PACSIN2: variants seen among roughly 807,000 people sequenced by gnomAD.
PACSIN2 encodes the protein protein kinase C and casein kinase substrate in neurons 2, also known as protein kinase C and casein kinase substrate in neurons protein 2.
PACSIN2 carries 25 observed loss-of-function variants against 63.8 expected under a neutral mutation model. The ratio of observed to expected loss-of-function variants is 0.39; its 90% CI spans 0.29 to 0.55. PACSIN2 has a LOEUF of 0.55. PACSIN2 is among the 20% of genes least tolerant of loss of function. PACSIN2 has a pLI of 0.62. For missense variants in PACSIN2, 518 were observed against 646.9 expected, an observed-to-expected ratio of 0.80 and a Z score of 2.16; for synonymous variants, 255 against 256.2, an observed-to-expected ratio of 1.00 and a Z score of 0.05.
At chr22:43,009,956 G>C (rs1317751663) in intron 1 of PACSIN2, among the ~76,000 whole-genome samples, 1 of 145,266 alleles carries the variant, frequency 6.9e-6, no homozygotes, top group African/African-American at 2.6e-5. Flanking sequence ...TGCAGCCTCT[G>C]CCTCCCGGGT....
chr22:42,984,263 C>A (rs1268373056), intron 1 of PACSIN2, among the ~76,000 whole-genome samples: 7 of 151,906 alleles, frequency 4.6e-5, no homozygotes, highest in South Asian at 2.1e-4. Context: ...TGAGCTACCA[C>A]CCACTACCTA....
chr22:42,947,427 CTG>C (rs1261724974), intron 1 of PACSIN2, among the ~76,000 whole-genome samples: 1 of 152,168 alleles, frequency 6.6e-6, no homozygotes, highest in Non-Finnish European at 1.5e-5. Context: ...CAAAGGGCCT[CTG>C]TGGCCCTTTG....
intron 1 of PACSIN2, among the ~76,000 whole-genome samples, chr22:43,009,269 A>C (rs895986302): frequency 6.6e-6 from 1 of 152,198 alleles, no homozygotes; most frequent in Non-Finnish European, 1.5e-5. Flanking sequence ...TCTTCATCAC[A>C]GGAAGGAATA....
At chr22:42,883,453 T>C (rs748838275) in intron 6 of PACSIN2, among the ~76,000 whole-genome samples, 3 of 152,252 alleles carry the variant, frequency 2.0e-5, no homozygotes, top group Non-Finnish European at 4.4e-5. Context: ...TTCTGCTAGA[T>C]GGATGACAGT....
chr22:42,901,206 A>G, intron 2 of PACSIN2, among the ~76,000 whole-genome samples: 1 of 152,130 alleles, frequency 6.6e-6, no homozygotes. Context: ...AGCTATCCCA[A>G]GCTGACCTAC....
rs925275527 is a variant in PACSIN2 at position 42,871,126 on chromosome 22, G to A, written c.*231C>T. The A allele has an allele frequency of 8.8e-6, 5 of 568,810 alleles. No homozygotes were observed. Among genetic ancestry groups the A allele is most frequent in the Non-Finnish European group, 1.6e-5 (5 of 316,706 alleles). 35.2% of individuals were successfully genotyped at this position (568,810 alleles called of 1,614,324 possible). ...CAACAGGCACAGTGGGCGGGGAGGG[G>A]CGGCTATTTCTGTTGTTCTGCGTCT... On this transcript the variant is annotated 3_prime_UTR_variant, in exon 11 of 11. Coordinates refer to ENST00000263246, the MANE Select transcript of PACSIN2 (RefSeq NM_001184970.3). This position sits in a 1 kb window ranked among gnomAD's most constrained non-coding sequence, Gnocchi z 5.4.
At chr22:43,014,363 CACCA>C (rs1180434780) in intron 1 of PACSIN2, among the ~76,000 whole-genome samples, 14 of 11,082 alleles carry the variant, frequency 1.3e-3, no homozygotes, top group African/African-American at 5.8e-3. Context: ...GACACACACA[CACCA>C]CCCCCCCCCC....
chr22:42,888,233 T>G (rs1929635527), intron 5 of PACSIN2, among the ~76,000 whole-genome samples: 1 of 151,944 alleles, frequency 6.6e-6, no homozygotes, highest in Non-Finnish European at 1.5e-5. Flanking sequence ...CTCATAACCC[T>G]CCATACCAGC....
chr22:42,964,074 C>T (rs1920933941), intron 1 of PACSIN2, among the ~76,000 whole-genome samples: 3 of 152,180 alleles, frequency 2.0e-5, no homozygotes, highest in African/African-American at 4.8e-5. Flanking sequence ...TAGCTATCAT[C>T]CCTCTATTCC....
chr22:42,998,052 T>C (rs1426274019), intron 1 of PACSIN2, among the ~76,000 whole-genome samples: 2 of 152,144 alleles, frequency 1.3e-5, no homozygotes, highest in Non-Finnish European at 2.9e-5. Context: ...GCCCCAAACA[T>C]ATCCAAGGGC....
At chr22:42,971,819 C>T (rs1355680267) in intron 1 of PACSIN2, among the ~76,000 whole-genome samples, 3 of 143,192 alleles carry the variant, frequency 2.1e-5, no homozygotes, top group East Asian at 1.9e-4. Flanking sequence ...AGCCCCCGCC[C>T]GGCCAGCAGC....
chr22:42,946,664 C>T (rs370367716), intron 1 of PACSIN2, among the ~76,000 whole-genome samples: 10 of 152,336 alleles, frequency 6.6e-5, no homozygotes, highest in African/African-American at 2.4e-4. Flanking sequence ...GTTATTCCAA[C>T]ATAATCTTAG....
intron 1 of PACSIN2, among the ~76,000 whole-genome samples, chr22:42,925,770 T>C (rs1932496779): frequency 6.6e-6 from 1 of 152,226 alleles, no homozygotes; most frequent in Admixed American, 6.5e-5. Flanking sequence ...CACATGGGTT[T>C]AGCAACCACG....
At chr22:43,007,018 T>C (rs4822246) in intron 1 of PACSIN2, among the ~76,000 whole-genome samples, 49,533 of 151,838 alleles carry the variant, frequency 0.33, 9,376 homozygotes, top group Non-Finnish European at 0.43. Context: ...CTTTGTGAAA[T>C]TGAGTCACCT....
At chr22:42,945,827 G>C (rs1411450569) in intron 1 of PACSIN2, 1 of 152,530 alleles carries the variant, frequency 6.6e-6, no homozygotes, top group South Asian at 2.1e-4. Flanking sequence ...CATTCTCCAT[G>C]ACATTACTGT....
At chr22:42,938,430 G>T (rs539967146) in intron 1 of PACSIN2, among the ~76,000 whole-genome samples, 2 of 152,210 alleles carry the variant, frequency 1.3e-5, no homozygotes, top group Non-Finnish European at 2.9e-5. Context: ...TCAGAAAGAA[G>T]CCTGACCTTC....
At chr22:42,933,965 G>A (rs1044566764) in intron 1 of PACSIN2, among the ~76,000 whole-genome samples, 5 of 152,282 alleles carry the variant, frequency 3.3e-5, no homozygotes, top group Admixed American at 1.3e-4. Context: ...AAAATAAACC[G>A]GATACTCAAA....
At chr22:42,991,847 C>T (rs978813915) in intron 1 of PACSIN2, among the ~76,000 whole-genome samples, 1 of 150,256 alleles carries the variant, frequency 6.7e-6, no homozygotes, top group Non-Finnish European at 1.5e-5. Context: ...ATTCACACAC[C>T]GCAACACATT....
chr22:42,947,774 T>A (rs953285532), intron 1 of PACSIN2, among the ~76,000 whole-genome samples: 1 of 152,142 alleles, frequency 6.6e-6, no homozygotes, highest in African/African-American at 2.4e-5. Context: ...CCAATCTGCC[T>A]GACAGGTTGC....
Sources: gnomAD v4.1 joint callset for allele counts (sites outside exome capture counted in the v4.1 genomes callset) on GRCh38, gnomAD v4.1.1 for gene constraint, Gnocchi (gnomAD v3.1) non-coding constraint, MANE v1.5 for transcripts, NCBI Gene and HGNC (gene_info 2026-07-23, HGNC 2026-07-21) for gene names.